The following SYNGR1 variants were observed in gnomAD, a reference collection of about 807,000 sequenced individuals.
SYNGR1 encodes the protein synaptogyrin-1.
SYNGR1 carries 14 observed loss-of-function variants against 26.1 expected under a neutral mutation model. The ratio of observed to expected loss-of-function variants is 0.54; its 90% CI spans 0.35 to 0.84. The LOEUF is 0.84. Ranked by LOEUF, SYNGR1 falls within the 40% of genes least tolerant of loss-of-function variation. The pLI is 0.01. For synonymous variants in SYNGR1, 141 were observed against 150.1 expected, an observed-to-expected ratio of 0.94 and a Z score of 0.44; for missense variants, 319 against 332.9, an observed-to-expected ratio of 0.96 and a Z score of 0.33.
intron 1 of SYNGR1, among the ~76,000 whole-genome samples, chr22:39,354,536 A>G (rs1450546451): frequency 1.3e-5 from 2 of 152,112 alleles, no homozygotes; most frequent in Non-Finnish European, 2.9e-5. Context: ...CCAAGTGAAC[A>G]CTGAATAAAA....
intron 3 of SYNGR1, chr22:39,376,895 G>A: frequency 6.7e-7 from 1 of 1,503,668 alleles, no homozygotes; most frequent in African/African-American, 1.4e-5. Context: ...AATATATTGT[G>A]TGTGTCAAAC....
intron 1 of SYNGR1, chr22:39,364,352 C>A: frequency 6.2e-7 from 1 of 1,613,148 alleles, no homozygotes; most frequent in Non-Finnish European, 8.5e-7. Flanking sequence ...TGAGCCTTAG[C>A]CTCCCTGACT....
chr22:39,377,805 C>T, intron 3 of SYNGR1: 1 of 1,535,246 alleles, frequency 6.5e-7, no homozygotes, highest in Non-Finnish European at 8.7e-7. Flanking sequence ...CAGTGGAAGG[C>T]TGGCTTGAGG....
chr22:39,365,988 C>CTTTTTTTTT lies in SYNGR1; in HGVS notation c.100-8309_100-8301dup, dbSNP rs777416803. Reference sequence around the variant, plus strand: ...CGTGAGCCACCGCGCTCAGCCCCTTCTTTTTTTTTTTTTTTTTTTTTTTTT... The same window carrying CTTTTTTTTT: ...CGTGAGCCACCGCGCTCAGCCCCTTCTTTTTTTTTTTTTTTTTTTTTTTTTTTTTTTTTT... On this transcript the variant is annotated intron_variant, in intron 1 of 3. Coordinates refer to ENST00000328933, the MANE Select transcript of SYNGR1 (RefSeq NM_004711.5). Among the ~76,000 whole-genome samples, 527 of 68,360 alleles carry CTTTTTTTTT rather than the reference C, an allele frequency of 7.7e-3. 79 individuals are homozygous for CTTTTTTTTT. Among genetic ancestry groups the CTTTTTTTTT allele is most frequent in the Admixed American group, 0.022 (96 of 4,366 alleles). 44.8% of individuals were successfully genotyped at this position (68,360 alleles called of 152,430 possible). A position where few individuals can be genotyped will look rare whatever the true frequency, so the allele number is the denominator to read the frequency against.
At chr22:39,353,625 C>T (rs1924013973) in intron 1 of SYNGR1, among the ~76,000 whole-genome samples, 2 of 152,230 alleles carry the variant, frequency 1.3e-5, no homozygotes, top group Non-Finnish European at 2.9e-5. Context: ...CCTCAGTCTT[C>T]CCACCCGAAC....
At chr22:39,373,347 TA>T (rs780164310) in intron 1 of SYNGR1, among the ~76,000 whole-genome samples, 1 of 152,086 alleles carries the variant, frequency 6.6e-6, no homozygotes, top group Non-Finnish European at 1.5e-5. Flanking sequence ...TTTTGTATTT[TA>T]GTAAAGACGG....
At chr22:39,375,589 C>A in intron 2 of SYNGR1, 1 of 386,406 alleles carries the variant, frequency 2.6e-6, no homozygotes, top group East Asian at 4.5e-5. Flanking sequence ...CGTCCTCCTT[C>A]CCATACCTCA....
chr22:39,353,197 G>T lies in SYNGR1; in HGVS notation c.99+3088G>T, dbSNP rs527925173. 2.6e-4 allele frequency among the ~76,000 whole-genome samples: 39 copies of T among 152,200 alleles called. No homozygotes were observed. In the East Asian group the frequency reaches 3.5e-3, roughly 14 times the overall value. ...ATTTTTGTAAAATTTGTAAAAGAAA[G>T]ATTTTTTTTTCTGTTGCTTTTCCAA... is the stretch of plus-strand genomic sequence containing the variant. On this transcript the variant is annotated intron_variant, in intron 1 of 3. Coordinates refer to ENST00000328933, the MANE Select transcript of SYNGR1 (RefSeq NM_004711.5).
Position 39,357,264 on chromosome 22 carries a change from C to CA in SYNGR1, c.99+7168dup, listed in dbSNP as rs879475246. Among the ~76,000 whole-genome samples, 661 of 140,010 alleles carry CA rather than the reference C, an allele frequency of 4.7e-3. 2 individuals are homozygous for CA. Among genetic ancestry groups the CA allele is most frequent in the Admixed American group, 0.017 (236 of 14,010 alleles). The allele number at this position is 140,010 out of a possible 152,430, so 91.9% of individuals were successfully genotyped here. ...CAGGCAACAGAGCAAGACTCTGTTT[C>CA]AAAAAAAAAAAAAGTGATGTTTGGA... is the stretch of plus-strand genomic sequence containing the variant. On this transcript the variant is annotated intron_variant, in intron 1 of 3. Coordinates refer to ENST00000328933, the MANE Select transcript of SYNGR1 (RefSeq NM_004711.5).
At chr22:39,373,325 T>C (rs55673200) in intron 1 of SYNGR1, among the ~76,000 whole-genome samples, 9,869 of 151,832 alleles carry the variant, frequency 0.065, 546 homozygotes, top group African/African-American at 0.15. Flanking sequence ...TCCGCCACCA[T>C]GCCCAGCTAA....
intron 1 of SYNGR1, among the ~76,000 whole-genome samples, chr22:39,353,944 A>T (rs1411847953): frequency 6.6e-6 from 1 of 152,026 alleles, no homozygotes; most frequent in Admixed American, 6.6e-5. Context: ...GCTCACTGCA[A>T]CCTCTGCCTC....
Position 39,381,826 on chromosome 22 carries a change from C to T in SYNGR1, c.614C>T (p.Pro205Leu), listed in dbSNP as rs571681792. The T allele has an allele frequency of 1.1e-5, 18 of 1,606,410 alleles. No homozygotes were observed. Among genetic ancestry groups the T allele is most frequent in the South Asian group, 8.8e-5 (8 of 90,514 alleles). The change falls in exon 4 of 4, where the codon CCG becomes CTG. Residue 205 changes from proline to leucine, a missense_variant. Transcript: ENST00000328933. ...PYAPYVEPTG[P>L]DPAGMGGTYQ... ...GCGCCCTACGTGGAGCCCACTGGGC[C>T]GGATCCCGCCGGTATGGGCGGCACC...
intron 1 of SYNGR1, among the ~76,000 whole-genome samples, chr22:39,372,473 C>T (rs1425043745): frequency 1.2e-5 from 1 of 82,278 alleles, no homozygotes; most frequent in African/African-American, 5.4e-5. Flanking sequence ...TTTTTTGAGA[C>T]GGAGTTTCTC....
intron 1 of SYNGR1, among the ~76,000 whole-genome samples, chr22:39,361,301 G>C (rs1390744048): frequency 1.3e-5 from 2 of 152,120 alleles, no homozygotes; most frequent in Admixed American, 6.5e-5. Flanking sequence ...CTGGCAGGGC[G>C]GGGGCAGGCA....
chr22:39,374,235 G>A (rs1363919205), intron 1 of SYNGR1, 81 bp from the exon 2 acceptor site: 46 of 1,351,492 alleles, frequency 3.4e-5, no homozygotes, highest in South Asian at 9.4e-5. Context: ...GGCAGCAGGC[G>A]AGGGTGGCAG....
Position 39,350,241 on chromosome 22 carries a change from T to C in SYNGR1, c.99+132T>C, listed in dbSNP as rs2145601038. The C allele has an allele frequency of 4.3e-6, 2 of 468,134 alleles. No individual in the cohort carries two copies. Among genetic ancestry groups the C allele is most frequent in the Non-Finnish European group, 3.0e-6 (1 of 329,454 alleles). The allele number at this position is 468,134 out of a possible 1,614,324, so 29.0% of individuals were successfully genotyped here. ...GGCGGCGCGGCGGCGGGCGAGGAGC[T>C]GTCCTGCCTGCGGGGCCCGCTGCCG... On this transcript the variant is annotated intron_variant, in intron 1 of 3. Coordinates refer to ENST00000328933, the MANE Select transcript of SYNGR1 (RefSeq NM_004711.5). The surrounding 1 kb of genome is among the most constrained non-coding windows in gnomAD (Gnocchi z 4.3).
In SYNGR1 at chr22:39,374,297, G is replaced by T. The variant is rs375552057; in HGVS notation, c.100-19G>T. The T allele has an allele frequency of 3.7e-6, 6 of 1,612,312 alleles. No individual in the cohort carries two copies. The highest frequency in any genetic ancestry group is 2.2e-5 in the East Asian group (1 of 44,864). Reference sequence around the variant, plus strand: ...GCAGGGGTCTGCCCAGGTCTAAGGTGTGGCCCCACCCCCGACAGCTGTTCT... The same window carrying T: ...GCAGGGGTCTGCCCAGGTCTAAGGTTTGGCCCCACCCCCGACAGCTGTTCT... On this transcript the variant is annotated intron_variant, in intron 1 of 3. Transcript: ENST00000328933.
At chr22:39,365,821 C>G (rs949909954) in intron 1 of SYNGR1, among the ~76,000 whole-genome samples, 2 of 151,916 alleles carry the variant, frequency 1.3e-5, no homozygotes, top group South Asian at 4.2e-4. Flanking sequence ...CTTCCTCCCC[C>G]ATCTGCTCTT....
chr22:39,368,840 G>T (rs1317066291), intron 1 of SYNGR1, among the ~76,000 whole-genome samples: 1 of 152,226 alleles, frequency 6.6e-6, no homozygotes, highest in African/African-American at 2.4e-5. Context: ...GTAAGTGTTC[G>T]AGAGGGGCCT....
Sources: gnomAD v4.1 joint callset for allele counts (sites outside exome capture counted in the v4.1 genomes callset) on GRCh38, gnomAD v4.1.1 for gene constraint, Gnocchi (gnomAD v3.1) non-coding constraint, MANE v1.5 for transcripts, NCBI Gene and HGNC (gene_info 2026-07-23, HGNC 2026-07-21) for gene names.